PHC1: variants seen among roughly 807,000 people sequenced by gnomAD.
PHC1 encodes polyhomeotic-like protein 1.
In PHC1, 12 loss-of-function variants were observed where a neutral mutation model predicts 104.3. The observed-to-expected ratio is 0.12, with a 90% confidence interval of 0.07 to 0.19. The LOEUF is 0.19. PHC1 is among the 10% of genes least tolerant of loss of function. The probability of loss-of-function intolerance (pLI) is 1.00; values close to 1 mark genes in which losing one functional copy is unlikely to be tolerated. For synonymous variants in PHC1, 302 were observed against 455.8 expected, an observed-to-expected ratio of 0.66 and a Z score of 4.30; for missense variants, 671 against 1,200.0, an observed-to-expected ratio of 0.56 and a Z score of 6.51.
intron 10 of PHC1, 105 bp downstream of exon 10, chr12:8,934,583 G>C: frequency 1.4e-6 from 1 of 729,754 alleles, no homozygotes; most frequent in Non-Finnish European, 2.3e-6. Flanking sequence ...TTTAATGAAA[G>C]AATGGTTCAA....
intron 11 of PHC1, among the ~76,000 whole-genome samples, chr12:8,935,534 G>C (rs1287607834): frequency 6.6e-6 from 1 of 152,022 alleles, no homozygotes; most frequent in Non-Finnish European, 1.5e-5. Context: ...GCTGAGGCGG[G>C]AGAACCACTT....
rs1437886157 is a variant in PHC1 at position 8,937,226 on chromosome 12, AAG to A, written c.2531_2532del (p.Glu844ValfsTer20). On this transcript the variant is annotated frameshift_variant, in exon 13 of 15. Transcript: ENST00000544916. LOFTEE classifies it high-confidence loss of function. ...TTCCGGCTGAAGAGGAAAAAAATGA[AAG>A]AGTTTCAAGAAGCCAACTATGCTCG... 1 of 1,613,504 alleles carries A rather than the reference AAG, an allele frequency of 6.2e-7. No homozygotes were observed. Among genetic ancestry groups the A allele is most frequent in the African/African-American group, 1.3e-5 (1 of 74,884 alleles).
rs1188355833 is a variant in PHC1 at position 8,940,412 on chromosome 12, G to GT, written c.*961dup. ...AAGAGTTTTTGTACAAAAGGTGATG[G>GT]TTTTTTTTCTTCATTTTAAAACACC... On this transcript the variant is annotated 3_prime_UTR_variant, in exon 15 of 15. Coordinates refer to ENST00000544916, the MANE Select transcript of PHC1 (RefSeq NM_004426.3). 5.5e-5 allele frequency: 10 copies of GT among 182,932 alleles called. No individual in the cohort carries two copies. The highest frequency in any genetic ancestry group is 3.3e-4 in the East Asian group (2 of 6,100). The allele number at this position is 182,932 out of a possible 1,614,324, so 11.3% of individuals were successfully genotyped here. A position where few individuals can be genotyped will look rare whatever the true frequency, so the allele number is the denominator to read the frequency against.
chr12:8,922,386 A>G (rs1945390271), intron 5 of PHC1, among the ~76,000 whole-genome samples: 1 of 152,044 alleles, frequency 6.6e-6, no homozygotes, highest in Admixed American at 6.5e-5. Context: ...CTAAAATCCT[A>G]ATTTTCTCTA....
intron 8 of PHC1, 196 bp downstream of exon 8, chr12:8,933,546 A>G: frequency 1.2e-6 from 1 of 801,606 alleles, no homozygotes; most frequent in Non-Finnish European, 1.9e-6. Context: ...TGCTGATACT[A>G]TTCTGGGTTT....
At chr12:8,920,880 T>C in intron 3 of PHC1, 105 bp from the exon 4 acceptor site, 1 of 729,222 alleles carries the variant, frequency 1.4e-6, no homozygotes, top group Non-Finnish European at 2.3e-6. Context: ...TCCCTGTTTA[T>C]AATGTGAAAT....
At chr12:8,915,344 C>A in intron 1 of PHC1, 1 of 152,278 alleles carries the variant, frequency 6.6e-6, no homozygotes. Context: ...GCGTCTACTC[C>A]CTGTTCTCTT....
chr12:8,935,777 T>C (rs1945819594), intron 11 of PHC1, among the ~76,000 whole-genome samples: 1 of 151,936 alleles, frequency 6.6e-6, no homozygotes, highest in Non-Finnish European at 1.5e-5. Context: ...TATTTTTTTT[T>C]GAGACGGAGT....
chr12:8,923,829 CAA>C (rs67936637), intron 6 of PHC1, among the ~76,000 whole-genome samples: 10 of 122,452 alleles, frequency 8.2e-5, no homozygotes, highest in Admixed American at 8.5e-5. Flanking sequence ...GACTCCGTCT[CAA>C]AAAAAAAAAA....
At chr12:8,931,213 CTATT>C (rs1455268490) in intron 7 of PHC1, among the ~76,000 whole-genome samples, 2 of 152,170 alleles carry the variant, frequency 1.3e-5, no homozygotes, top group Admixed American at 1.3e-4. Flanking sequence ...ATCACTCTGT[CTATT>C]CATTCATCAC....
intron 9 of PHC1, 41 bp downstream of exon 9, chr12:8,934,053 G>A (rs773842461): frequency 7.5e-6 from 12 of 1,599,130 alleles, no homozygotes; most frequent in Admixed American, 6.7e-5. Context: ...AGCACACAGA[G>A]TAGAGGAATG....
Position 8,940,221 on chromosome 12 carries a change from A to AT in PHC1, c.*763dup, listed in dbSNP as rs1373823459. ...AGTGTGTGGGGCTGAGGTCAGGAGT[A>AT]TAAGTACCTGCCTTAGGCACTATTC... On this transcript the variant is annotated 3_prime_UTR_variant, in exon 15 of 15. Transcript: ENST00000544916. The AT allele has an allele frequency of 8.7e-6, 2 of 229,024 alleles. No homozygotes were observed. The highest frequency in any genetic ancestry group is 1.8e-5 in the Non-Finnish European group (2 of 111,696). The allele number at this position is 229,024 out of a possible 1,614,324, so 14.2% of individuals were successfully genotyped here.
At chr12:8,927,713 A>G (rs1289778966) in intron 6 of PHC1, among the ~76,000 whole-genome samples, 1 of 152,182 alleles carries the variant, frequency 6.6e-6, no homozygotes, top group East Asian at 1.9e-4. Flanking sequence ...GAAAAACTGT[A>G]TATTAATAAT....
Position 8,937,341 on chromosome 12 carries a change from G to A in PHC1, c.2628+15G>A. 1 of 1,595,440 alleles carries A rather than the reference G, an allele frequency of 6.3e-7. No individual in the cohort carries two copies. The highest frequency in any genetic ancestry group is 8.5e-7 in the Non-Finnish European group (1 of 1,171,528). ...AGTGCCACCGGGTGAGCTGCTTGTTGTAGAGCCAGATGCCTTTAAACTGGG... is the reference window on the plus strand; with the variant it reads ...AGTGCCACCGGGTGAGCTGCTTGTTATAGAGCCAGATGCCTTTAAACTGGG... On this transcript the variant is annotated intron_variant, in intron 13 of 14. Coordinates refer to ENST00000544916, the MANE Select transcript of PHC1 (RefSeq NM_004426.3).
At chr12:8,931,570 T>C (rs1410656899) in intron 7 of PHC1, among the ~76,000 whole-genome samples, 1 of 152,156 alleles carries the variant, frequency 6.6e-6, no homozygotes. Context: ...CGTAGTGGTT[T>C]ACACCTGTAG....
chr12:8,920,879 A>G (rs887528712), intron 3 of PHC1, 106 bp from the exon 4 acceptor site: 8 of 724,154 alleles, frequency 1.1e-5, no homozygotes, highest in Non-Finnish European at 1.8e-5. Flanking sequence ...CTCCCTGTTT[A>G]TAATGTGAAA....
At chr12:8,931,383 A>G (rs1945679839) in intron 7 of PHC1, among the ~76,000 whole-genome samples, 1 of 152,240 alleles carries the variant, frequency 6.6e-6, no homozygotes, top group South Asian at 2.1e-4. Flanking sequence ...TAGCAGATAC[A>G]GTACAATGCC....
chr12:8,923,722 T>C (rs10743564), intron 6 of PHC1, among the ~76,000 whole-genome samples: 135,406 of 151,476 alleles, frequency 0.89, 61,013 homozygotes, highest in South Asian at 0.97. Flanking sequence ...CCCAACTACC[T>C]GGGAGGCTGA....
At chr12:8,939,269 C>T (rs1286467273) in intron 14 of PHC1, 36 bp from the exon 15 acceptor site, 3 of 1,612,188 alleles carry the variant, frequency 1.9e-6, no homozygotes, top group Non-Finnish European at 1.7e-6. Flanking sequence ...CTCCTATCAT[C>T]TGGCATTACC....
Sources: gnomAD v4.1 joint callset for allele counts (sites outside exome capture counted in the v4.1 genomes callset) on GRCh38, gnomAD v4.1.1 for gene constraint, MANE v1.5 for transcripts, NCBI Gene and HGNC (gene_info 2026-07-23, HGNC 2026-07-21) for gene names.